The following ERC2 variants were observed in gnomAD, a reference collection of about 807,000 sequenced individuals.
ERC2 encodes the protein ELKS/RAB6-interacting/CAST family member 2.
ERC2 carries 42 observed loss-of-function variants against 114.8 expected under a neutral mutation model. That is an observed-to-expected ratio of 0.37 (90% CI 0.29 to 0.47). The LOEUF (loss-of-function observed/expected upper bound fraction) is 0.47, where lower values mean the gene tolerates loss of function less well. ERC2 is among the 20% of genes least tolerant of loss of function. The pLI, the probability that ERC2 is intolerant of heterozygous loss-of-function variation, is 0.99. For synonymous variants in ERC2, 454 were observed against 425.5 expected, an observed-to-expected ratio of 1.07 and a Z score of -0.82; for missense variants, 939 against 1,150.7, an observed-to-expected ratio of 0.82 and a Z score of 2.66.
chr3:56,120,882 T>C (rs376084311), intron 6 of ERC2, among the ~76,000 whole-genome samples: 1 of 152,214 alleles, frequency 6.6e-6, no homozygotes, highest in East Asian at 1.9e-4. Context: ...ATTTTAGAGT[T>C]AATGTTGGCT....
chr3:56,434,147 G>A, intron 2 of ERC2: 2 of 489,130 alleles, frequency 4.1e-6, no homozygotes, highest in Non-Finnish European at 7.4e-6. Context: ...CATGTGAAAA[G>A]GTTATCGGAA....
At chr3:55,935,707 G>A (rs1018040036) in intron 13 of ERC2, among the ~76,000 whole-genome samples, 2 of 152,150 alleles carry the variant, frequency 1.3e-5, no homozygotes, top group Non-Finnish European at 2.9e-5. Flanking sequence ...TGCATACAGG[G>A]TGCCTGCCAC....
In ERC2 at chr3:55,795,586, C is replaced by T. The variant is rs565268199; in HGVS notation, c.2565-60668G>A. 1.1e-4 allele frequency among the ~76,000 whole-genome samples: 17 copies of T among 152,290 alleles called. No individual in the cohort carries two copies. In the South Asian group the frequency reaches 3.3e-3, roughly 30 times the overall value. ...GCTTCTGTAACTCCACCTCTCCACC[C>T]GCTGCCTTTCACTCCCGACAGGTCT... On this transcript the variant is annotated intron_variant, in intron 14 of 17. Transcript: ENST00000288221.
chr3:56,144,383 G>C (rs1043863537), intron 5 of ERC2, among the ~76,000 whole-genome samples: 1 of 152,146 alleles, frequency 6.6e-6, no homozygotes, highest in African/African-American at 2.4e-5. Context: ...TTCTCAGGGG[G>C]GTATGGCCCC....
chr3:56,183,426 C>A (rs724929), intron 3 of ERC2, among the ~76,000 whole-genome samples: 124,229 of 152,136 alleles, frequency 0.82, 51,407 homozygotes, highest in South Asian at 0.9. Flanking sequence ...TATTTCATCG[C>A]GTAGAGAGGT....
intron 15 of ERC2, among the ~76,000 whole-genome samples, chr3:55,709,124 C>A (rs1449768804): frequency 6.6e-6 from 1 of 152,074 alleles, no homozygotes; most frequent in Non-Finnish European, 1.5e-5. Context: ...CGGGGTATCG[C>A]CTAACAGAAT....
intron 17 of ERC2, among the ~76,000 whole-genome samples, chr3:55,634,835 C>T (rs1170188373): frequency 6.6e-6 from 1 of 151,992 alleles, no homozygotes; most frequent in Non-Finnish European, 1.5e-5. Context: ...CAACTCTTCC[C>T]TTTCCCATAG....
At chr3:55,654,767 C>T (rs2060785101) in intron 17 of ERC2, among the ~76,000 whole-genome samples, 1 of 152,196 alleles carries the variant, frequency 6.6e-6, no homozygotes, top group African/African-American at 2.4e-5. Context: ...CAGATGGAGC[C>T]AGTATGAGGA....
intron 2 of ERC2, among the ~76,000 whole-genome samples, chr3:56,317,607 G>A (rs1158125869): frequency 2.0e-5 from 3 of 151,830 alleles, no homozygotes; most frequent in Non-Finnish European, 4.4e-5. Context: ...TCACTTTTTT[G>A]TACTGATCAT....
At chr3:56,200,191 T>G (rs1345157262) in intron 3 of ERC2, among the ~76,000 whole-genome samples, 1 of 151,940 alleles carries the variant, frequency 6.6e-6, no homozygotes, top group African/African-American at 2.4e-5. Flanking sequence ...GGAGGCTTCC[T>G]CACCATTACT....
chr3:56,465,861 T>A (rs2063521513), intron 1 of ERC2, among the ~76,000 whole-genome samples: 1 of 152,258 alleles, frequency 6.6e-6, no homozygotes, highest in South Asian at 2.1e-4. Context: ...AGAATCACAG[T>A]GGACTCTTAA....
chr3:56,419,134 CT>C (rs2061287806), intron 2 of ERC2, among the ~76,000 whole-genome samples: 1 of 152,200 alleles, frequency 6.6e-6, no homozygotes, highest in Non-Finnish European at 1.5e-5. Context: ...GCACTTTACA[CT>C]TCTTTAGTGT....
At chr3:55,619,186 A>G (rs1425762462) in intron 17 of ERC2, among the ~76,000 whole-genome samples, 2 of 152,236 alleles carry the variant, frequency 1.3e-5, no homozygotes, top group African/African-American at 4.8e-5. Flanking sequence ...AATCTGGAGC[A>G]CTATTTTTCT....
At chr3:55,628,301 TG>T (rs1440664694) in intron 17 of ERC2, among the ~76,000 whole-genome samples, 1 of 152,260 alleles carries the variant, frequency 6.6e-6, no homozygotes, top group African/African-American at 2.4e-5. Flanking sequence ...TAGCTCAGTG[TG>T]GCTGTTGAGC....
intron 6 of ERC2, among the ~76,000 whole-genome samples, chr3:56,084,353 G>A (rs1389797517): frequency 6.6e-6 from 1 of 152,100 alleles, no homozygotes; most frequent in Non-Finnish European, 1.5e-5. Flanking sequence ...TCCCACTACT[G>A]GGTATCTACC....
At chr3:56,226,199 G>T (rs1040504937) in intron 3 of ERC2, among the ~76,000 whole-genome samples, 2 of 151,908 alleles carry the variant, frequency 1.3e-5, no homozygotes, top group African/African-American at 2.4e-5. Flanking sequence ...ATGAGCAATC[G>T]AGTCTCATTT....
At position 55,509,015 on chromosome 3, in the gene ERC2, T is replaced by C. The variant is rs1376397326; in HGVS notation, c.*2301A>G. ...ATTCTTAATATGTGAAAAAGGGATA[T>C]TTTTGGTAACCCCCAAACATCAGAG... is the stretch of plus-strand genomic sequence containing the variant. On this transcript the variant is annotated 3_prime_UTR_variant, in exon 18 of 18. Coordinates refer to ENST00000288221, the MANE Select transcript of ERC2 (RefSeq NM_015576.3). 1.3e-5 allele frequency: 2 copies of C among 152,660 alleles called. No homozygotes were observed. The highest frequency in any genetic ancestry group is 4.8e-5 in the African/African-American group (2 of 41,466). 9.5% of individuals were successfully genotyped at this position (152,660 alleles called of 1,614,324 possible).
chr3:55,579,926 C>T (rs79910541), intron 17 of ERC2, among the ~76,000 whole-genome samples: 4,029 of 152,266 alleles, frequency 0.026, 182 homozygotes, highest in African/African-American at 0.091. Context: ...TTAAATCCTG[C>T]TTCAAGTATC....
At chr3:56,460,452 C>T (rs2063260929) in intron 1 of ERC2, among the ~76,000 whole-genome samples, 1 of 152,182 alleles carries the variant, frequency 6.6e-6, no homozygotes, top group African/African-American at 2.4e-5. Flanking sequence ...AAAGGCAAAG[C>T]TCCTGCCTTT....
Sources: gnomAD v4.1 joint callset for allele counts (sites outside exome capture counted in the v4.1 genomes callset) on GRCh38, gnomAD v4.1.1 for gene constraint, MANE v1.5 for transcripts, NCBI Gene and HGNC (gene_info 2026-07-23, HGNC 2026-07-21) for gene names.